CREG2: variants seen among roughly 807,000 people sequenced by gnomAD.
CREG2 encodes the protein cellular repressor of E1A stimulated genes 2.
In CREG2, 24 loss-of-function variants were observed where a neutral mutation model predicts 26.2. The ratio of observed to expected loss-of-function variants is 0.92; its 90% confidence interval spans 0.66 to 1.29. The LOEUF (loss-of-function observed/expected upper bound fraction) is 1.29. Among genes scored for constraint, CREG2 ranks in the 50% most tolerant of loss-of-function variants. The pLI is 0.00. For synonymous variants in CREG2, 174 were observed against 169.2 expected, an observed-to-expected ratio of 1.03 and a Z score of -0.22; for missense variants, 366 against 398.6, an observed-to-expected ratio of 0.92 and a Z score of 0.70.
intron 2 of CREG2, among the ~76,000 whole-genome samples, chr2:101,372,282 C>T (rs1309945899): frequency 3.9e-5 from 6 of 152,194 alleles, no homozygotes; most frequent in Non-Finnish European, 5.9e-5. Flanking sequence ...TTCACGCCTA[C>T]GCATGCCTGG....
chr2:101,374,974 C>T (rs1684766558), intron 2 of CREG2, among the ~76,000 whole-genome samples: 1 of 152,162 alleles, frequency 6.6e-6, no homozygotes, highest in African/African-American at 2.4e-5. Context: ...AACATAAAGG[C>T]AAACTGACCC....
At chr2:101,367,704 T>TGA (rs1012921969) in intron 2 of CREG2, among the ~76,000 whole-genome samples, 8 of 152,184 alleles carry the variant, frequency 5.3e-5, no homozygotes, top group East Asian at 1.9e-4. Flanking sequence ...TTAGGGATCC[T>TGA]GAGAGAGAGA....
At chr2:101,382,086 T>C (rs1189767177) in intron 2 of CREG2, 2 of 152,240 alleles carry the variant, frequency 1.3e-5, no homozygotes, top group African/African-American at 4.8e-5. Context: ...GGCTGTGCTC[T>C]GGGTTCTGGG....
At chr2:101,370,307 T>G (rs570740559) in intron 2 of CREG2, among the ~76,000 whole-genome samples, 1 of 152,244 alleles carries the variant, frequency 6.6e-6, no homozygotes, top group Non-Finnish European at 1.5e-5. Context: ...TCTTTTTTTC[T>G]GGTCTCTGCC....
At chr2:101,351,421 G>C (rs1330766257) in intron 3 of CREG2, among the ~76,000 whole-genome samples, 1 of 152,240 alleles carries the variant, frequency 6.6e-6, no homozygotes, top group Non-Finnish European at 1.5e-5. Flanking sequence ...TCATAGGGCT[G>C]TGTGGGGAAG....
intron 1 of CREG2, among the ~76,000 whole-genome samples, chr2:101,384,455 G>A (rs1453819600): frequency 1.3e-5 from 2 of 152,160 alleles, no homozygotes; most frequent in Non-Finnish European, 2.9e-5. Flanking sequence ...GTGTTGGAGG[G>A]GAGGCCAAGT....
chr2:101,359,264 C>A (rs952978116), intron 2 of CREG2, among the ~76,000 whole-genome samples: 3 of 152,206 alleles, frequency 2.0e-5, no homozygotes, highest in African/African-American at 4.8e-5. Flanking sequence ...TCCCTTCTCT[C>A]TGATTCTTCC....
intron 2 of CREG2, among the ~76,000 whole-genome samples, chr2:101,365,715 T>C (rs1684609367): frequency 6.6e-6 from 1 of 152,220 alleles, no homozygotes; most frequent in South Asian, 2.1e-4. Flanking sequence ...TTGGCTTCTC[T>C]TGACAAATTT....
intron 2 of CREG2, 147 bp from the exon 3 acceptor site, chr2:101,355,513 T>A (rs1375589223): frequency 1.6e-6 from 1 of 613,116 alleles, no homozygotes; most frequent in Admixed American, 2.6e-5. Context: ...TCATTCAGGT[T>A]ATGTTACGGA....
intron 1 of CREG2, among the ~76,000 whole-genome samples, chr2:101,384,424 C>T (rs932507086): frequency 1.7e-4 from 26 of 152,284 alleles, no homozygotes; most frequent in African/African-American, 6.3e-4. Flanking sequence ...CTCCAAATCT[C>T]ATGTTAAATT....
chr2:101,374,272 G>A (rs1157777346), intron 2 of CREG2, among the ~76,000 whole-genome samples: 1 of 152,234 alleles, frequency 6.6e-6, no homozygotes, highest in Admixed American at 6.5e-5. Flanking sequence ...CGTCCAACGG[G>A]AGGCTGAGGC....
At chr2:101,376,277 C>A (rs1684787766) in intron 2 of CREG2, among the ~76,000 whole-genome samples, 1 of 50,720 alleles carries the variant, frequency 2.0e-5, no homozygotes, top group Non-Finnish European at 3.7e-5. Flanking sequence ...TAATTTTTTT[C>A]TTTTTCTTTT....
intron 2 of CREG2, among the ~76,000 whole-genome samples, chr2:101,365,906 T>C (rs1034001501): frequency 6.6e-6 from 1 of 152,184 alleles, no homozygotes; most frequent in Non-Finnish European, 1.5e-5. Context: ...GCCCTACCAG[T>C]AGACCCTTTT....
chr2:101,384,625 A>G (rs372309392), intron 1 of CREG2, among the ~76,000 whole-genome samples: 76 of 152,264 alleles, frequency 5.0e-4, no homozygotes, highest in African/African-American at 1.7e-3. Context: ...TCACCCTGTA[A>G]TCCTAGCATT....
chr2:101,367,663 T>C (rs1684638397), intron 2 of CREG2, among the ~76,000 whole-genome samples: 1 of 152,190 alleles, frequency 6.6e-6, no homozygotes, highest in African/African-American at 2.4e-5. Flanking sequence ...TGACTTCATA[T>C]GGTAACAGGG....
At chr2:101,369,199 C>A (rs751898769) in intron 2 of CREG2, among the ~76,000 whole-genome samples, 5 of 152,072 alleles carry the variant, frequency 3.3e-5, no homozygotes, top group Non-Finnish European at 7.4e-5. Context: ...CCAGGGAGAC[C>A]TAGTTGGGAG....
At position 101,362,259 on chromosome 2, in the gene CREG2, C is replaced by T. The variant is rs903302902; in HGVS notation, c.612-6893G>A. 3.3e-5 allele frequency among the ~76,000 whole-genome samples: 5 copies of T among 152,044 alleles called. No homozygotes were observed. The East Asian group carries it at 9.7e-4, about 29-fold the overall frequency. On this transcript the variant is annotated intron_variant, in intron 2 of 3. Transcript: ENST00000324768. Reference sequence around the variant, plus strand: ...CCTGGGGGGCAGCCACACTGGATTACAAAGGAGCCACCCTTAAAATGAAAC... The same window carrying T: ...CCTGGGGGGCAGCCACACTGGATTATAAAGGAGCCACCCTTAAAATGAAAC...
intron 2 of CREG2, among the ~76,000 whole-genome samples, chr2:101,374,696 A>G (rs1684762928): frequency 1.3e-5 from 2 of 152,236 alleles, no homozygotes; most frequent in South Asian, 2.1e-4. Flanking sequence ...CAGCTCATCT[A>G]AAAATGACTG....
intron 2 of CREG2, among the ~76,000 whole-genome samples, chr2:101,376,325 C>T (rs549290085): frequency 1.3e-5 from 2 of 151,586 alleles, no homozygotes; most frequent in South Asian, 2.1e-4. Context: ...TTGCCCAAGC[C>T]GGAGTGCAGT....
Sources: allele counts gnomAD v4.1 joint callset (sites outside exome capture counted in the v4.1 genomes callset), GRCh38; gene constraint gnomAD v4.1.1; transcripts MANE v1.5; gene names NCBI Gene and HGNC (gene_info 2026-07-23, HGNC 2026-07-21).